The following HDAC7 variants were observed in gnomAD, a reference collection of about 807,000 sequenced individuals.
HDAC7 encodes histone deacetylase 7, also known as histone deacetylase 7A.
In HDAC7, 26 loss-of-function variants were observed where a neutral mutation model predicts 115.5. The ratio of observed to expected loss-of-function variants is 0.23; its 90% CI spans 0.16 to 0.31. The LOEUF is 0.31. Among genes scored for constraint, HDAC7 ranks in the 10% least tolerant of loss-of-function variants. The pLI is 1.00. For synonymous variants in HDAC7, 564 were observed against 550.9 expected, an observed-to-expected ratio of 1.02 and a Z score of -0.33; for missense variants, 1,068 against 1,329.0, an observed-to-expected ratio of 0.80 and a Z score of 3.05.
intron 1 of HDAC7, among the ~76,000 whole-genome samples, chr12:47,805,009 G>C (rs1944332563): frequency 2.0e-5 from 3 of 151,552 alleles, no homozygotes. Context: ...TGGGACAAAA[G>C]GCTTCCCCAG....
rs1487779456 is a variant in HDAC7, at chr12:47,787,783, G to C, written c.2382C>G (p.Phe794Leu). The part of the protein sequence containing the change: ...DEVGAGSGEG[F>L]NVNVAWAGGL... The stretch of plus-strand genomic sequence containing the variant: ...CTCCAGCCCAGGCCACATTGACATT[G>C]AAGCCCTCACCGCTGCCAGCCCCTA... The change falls in exon 21 of 26, where the codon TTC (phenylalanine) becomes TTG (leucine). Residue 794 changes from phenylalanine (F) to leucine (L), a missense_variant. Coordinates refer to ENST00000080059, the MANE Select transcript of HDAC7 (RefSeq NM_015401.5). 1.2e-6 allele frequency: 2 copies of C among 1,612,950 alleles called. No homozygotes were observed. Among genetic ancestry groups the C allele is most frequent in the Admixed American group, 1.7e-5 (1 of 59,930 alleles).
chr12:47,818,336 A>G (rs1372230607), intron 1 of HDAC7, among the ~76,000 whole-genome samples: 1 of 152,248 alleles, frequency 6.6e-6, no homozygotes, highest in Non-Finnish European at 1.5e-5. Context: ...ACCAGTCCCA[A>G]TAGGTCCAAG....
rs146992558 is a variant in HDAC7 at position 47,816,995 on chromosome 12, T to C, written c.19+2772A>G. On this transcript the variant is annotated intron_variant, in intron 1 of 25. Transcript: ENST00000080059. The stretch of plus-strand genomic sequence containing the variant: ...AAAGGGTTAGGGAGGTGGCTAGATC[T>C]GGGGACTCCTCCTAATACTCAGGCC... Among the ~76,000 whole-genome samples, 98 of 152,348 alleles carry C rather than the reference T, an allele frequency of 6.4e-4. 3 individuals are homozygous for C. In the East Asian group the frequency reaches 0.017, roughly 26 times the overall value.
chr12:47,794,843 C>A lies in HDAC7; in HGVS notation c.1375G>T (p.Val459Leu), dbSNP rs929631642. 3 of 1,613,218 alleles carry A rather than the reference C, an allele frequency of 1.9e-6. No individual in the cohort carries two copies. The highest frequency in any genetic ancestry group is 2.5e-6 in the Non-Finnish European group (3 of 1,179,980). Reference sequence around the variant, plus strand: ...TCCCTGTGCTCCAGGCCATCGTCCACCACCTGGCCCGGTCCCCCGCCATCT... The same window carrying A: ...TCCCTGTGCTCCAGGCCATCGTCCAACACCTGGCCCGGTCCCCCGCCATCT... Reference protein sequence around the residue: ...ETDGGGPGQVVDDGLEHRELG... With the variant: ...ETDGGGPGQVLDDGLEHRELG... The change falls in exon 12 of 26, where the codon GTG becomes TTG. Residue 459 changes from valine (V) to leucine (L), a missense_variant. Coordinates refer to ENST00000080059, the MANE Select transcript of HDAC7 (RefSeq NM_015401.5).
intron 7 of HDAC7, 94 bp from the exon 8 acceptor site, chr12:47,796,392 C>T: frequency 2.6e-6 from 2 of 774,476 alleles, no homozygotes; most frequent in Non-Finnish European, 2.1e-6. Flanking sequence ...CGGGAGCACC[C>T]CCTTCCTTAA....
At position 47,795,669 on chromosome 12, in the gene HDAC7, G is replaced by A. The variant is rs995749172; in HGVS notation, c.1005C>T (p.Pro335=). The A allele has an allele frequency of 3.9e-6, 6 of 1,552,436 alleles. No individual in the cohort carries two copies. Among genetic ancestry groups the A allele is most frequent in the Non-Finnish European group, 2.6e-6 (3 of 1,147,748 alleles). ...GAGAGGGCAAGGTGCCCCCAGCCTC[G>A]GGCTCCAAGCCATGGGGCAGGAAGA... ...TPLFLPHGLE[P]EAGGTLPSRL... The change falls in exon 10 of 26, where the codon CCC becomes CCT. Residue 335 remains proline, a synonymous_variant. Transcript: ENST00000080059. This position sits in a 1 kb window ranked among gnomAD's most constrained non-coding sequence, Gnocchi z 4.3.
In HDAC7 at chr12:47,795,223, G is replaced by C; in HGVS notation, c.1245C>G (p.Pro415=). 6.2e-7 allele frequency: 1 copy of C among 1,613,156 alleles called. No homozygotes were observed. Among genetic ancestry groups the C allele is most frequent in the Non-Finnish European group, 8.5e-7 (1 of 1,179,498 alleles). ...CGTGAGTTTTGAGCTGCTCCAGGCG[G>C]GGCTGCATGGGGCCCGGCGGTGGGG... ...TAPPPPGPMQ[P]RLEQLKTHVQ... is the part of the protein sequence containing the mutation. Residue 415 remains proline, a synonymous_variant, in exon 11 of 26, where the codon CCC becomes CCG. Coordinates refer to ENST00000080059, the MANE Select transcript of HDAC7 (RefSeq NM_015401.5). The surrounding 1 kb of genome is among the most constrained non-coding windows in gnomAD (Gnocchi z 4.3).
chr12:47,794,565 A>G (rs1348798971), intron 12 of HDAC7, among the ~76,000 whole-genome samples, 195 bp downstream of exon 12: 2 of 152,172 alleles, frequency 1.3e-5, no homozygotes, highest in Admixed American at 1.3e-4. Flanking sequence ...ATGTGTGTGT[A>G]TGGGTGTGTG....
In HDAC7 at chr12:47,797,481, C is replaced by T. The variant is rs1449580025; in HGVS notation, c.480G>A (p.Glu160=). Residue 160 remains glutamate (E), a synonymous_variant, in exon 6 of 26, where the codon GAG becomes GAA. Transcript: ENST00000080059. The surrounding 1 kb of genome is among the most constrained non-coding windows in gnomAD (Gnocchi z 5.5). The stretch of plus-strand genomic sequence containing the variant: ...GCATGGAGCGGGTGGCTCCTTCCGT[C>T]TCCAGGGGCTCCAGGGTTCTACAGA... ...GIPYRTLEPL[E]TEGATRSMLS... The T allele has an allele frequency of 6.2e-7, 1 of 1,611,564 alleles. No individual in the cohort carries two copies. The highest frequency in any genetic ancestry group is 1.3e-5 in the African/African-American group (1 of 74,890).
rs972257651 is a variant in HDAC7, at chr12:47,797,669, C to T, written c.462-170G>A. ...AGGTGGCAGCAGTGGGCCGCCTGTC[C>T]GCTCCAGCAGCTATAGTGCAGAGCT... On this transcript the variant is annotated intron_variant, in intron 5 of 25. Transcript: ENST00000080059. This position sits in a 1 kb window ranked among gnomAD's most constrained non-coding sequence, Gnocchi z 5.5. Among the ~76,000 whole-genome samples the T allele has an allele frequency of 2.0e-5, 3 of 152,156 alleles. No homozygotes were observed. The highest frequency in any genetic ancestry group is 1.3e-4 in the Admixed American group (2 of 15,276).
chr12:47,798,041 T>C lies in HDAC7; in HGVS notation c.461+67A>G. 6 of 1,063,644 alleles carry C rather than the reference T, an allele frequency of 5.6e-6. No individual in the cohort carries two copies. The Admixed American group carries it at 1.2e-4, about 20-fold the overall frequency. 65.9% of individuals were successfully genotyped at this position (1,063,644 alleles called of 1,614,324 possible). On this transcript the variant is annotated intron_variant, in intron 5 of 25. Coordinates refer to ENST00000080059, the MANE Select transcript of HDAC7 (RefSeq NM_015401.5). The surrounding 1 kb of genome is among the most constrained non-coding windows in gnomAD (Gnocchi z 4.3). Reference sequence around the variant, plus strand: ...GGAAGGAGGCAAGTGTGTGTGCTCATGGCTAACACGGGGGCGGGGGTGGAG... The same window carrying C: ...GGAAGGAGGCAAGTGTGTGTGCTCACGGCTAACACGGGGGCGGGGGTGGAG...
At chr12:47,785,233 C>T (rs1321963198) in intron 24 of HDAC7, 154 bp downstream of exon 24, 11 of 679,538 alleles carry the variant, frequency 1.6e-5, no homozygotes, top group Non-Finnish European at 2.3e-5. Context: ...GGGTGCTCAC[C>T]ATTGCTGCCT....
In HDAC7 at chr12:47,784,111, C is replaced by A. The variant is rs372497352; in HGVS notation, c.2898G>T (p.Ala966=). 1 of 1,613,688 alleles carries A rather than the reference C, an allele frequency of 6.2e-7. No homozygotes were observed. The highest frequency in any genetic ancestry group is 8.5e-7 in the Non-Finnish European group (1 of 1,179,948). Residue 966 remains alanine (A), a synonymous_variant, in exon 25 of 26, where the codon GCG becomes GCT. Transcript: ENST00000080059. ...CAGCCAGGATGCCCACAGAGAGGGA[C>A]GCCAGTGCGGTCACTGCCTCCACTT... ...KEEVEAVTAL[A]SLSVGILAED...
At chr12:47,788,564 AG>A (rs983761561) in intron 19 of HDAC7, 2 of 156,042 alleles carry the variant, frequency 1.3e-5, no homozygotes, top group Non-Finnish European at 2.8e-5. Context: ...TCGGTTACAG[AG>A]GGGCAGGTAC....
chr12:47,811,232 G>C (rs1444945753), intron 1 of HDAC7, among the ~76,000 whole-genome samples: 1 of 152,174 alleles, frequency 6.6e-6, no homozygotes, highest in African/African-American at 2.4e-5. Context: ...AGTCTAGTGG[G>C]CAGATTCTCC....
upstream of HDAC7, chr12:47,820,486 A>C (rs2137094036): frequency 6.6e-6 from 1 of 152,570 alleles, no homozygotes; most frequent in East Asian, 1.9e-4. The surrounding 1 kb of genome is among the most constrained non-coding windows in gnomAD (Gnocchi z 4.3). Context: ...GACTTGCCTC[A>C]GGAAAGTTCC....
intron 1 of HDAC7, among the ~76,000 whole-genome samples, chr12:47,805,039 G>A (rs950282337): frequency 6.6e-6 from 1 of 150,926 alleles, no homozygotes; most frequent in African/African-American, 2.4e-5. Context: ...CACCTAGAAC[G>A]CCCCCCTCCC....
chr12:47,784,429 G>A (rs7307367), intron 24 of HDAC7: 90,859 of 614,268 alleles, frequency 0.15, 7,824 homozygotes, highest in Non-Finnish European at 0.18. Flanking sequence ...GGTTCAACAT[G>A]GCTGTGAGGG....
At position 47,784,181 on chromosome 12, in the gene HDAC7, C is replaced by T; in HGVS notation, c.2828G>A (p.Cys943Tyr). ...CACTCTAGGCACCCAGGAGTCTGGA[C>T]AGGAGGCCAGGCGCTGCATGCAGCC... ...YWGCMQRLAS[C>Y]PDSWVPRVPG... Residue 943 changes from cysteine to tyrosine, a missense_variant, in exon 25 of 26, where the codon TGT becomes TAT. By Grantham distance (194) the Cys-to-Tyr change is radical. This residue lies in a region of HDAC7 where 98 missense variants were observed against 123.9 expected (regional missense o/e 0.79). Coordinates refer to ENST00000080059, the MANE Select transcript of HDAC7 (RefSeq NM_015401.5). 2 of 1,613,084 alleles carry T rather than the reference C, an allele frequency of 1.2e-6. No homozygotes were observed. Among genetic ancestry groups the T allele is most frequent in the Non-Finnish European group, 1.7e-6 (2 of 1,179,614 alleles).
Sources: allele counts gnomAD v4.1 joint callset (sites outside exome capture counted in the v4.1 genomes callset), GRCh38; gene constraint gnomAD v4.1.1; regional missense constraint gnomAD v4.1.1; non-coding constraint Gnocchi (gnomAD v3.1); transcripts MANE v1.5; gene names NCBI Gene and HGNC (gene_info 2026-07-23, HGNC 2026-07-21).